RAPGEF1: variants seen among roughly 807,000 people sequenced by gnomAD.
RAPGEF1 encodes Rap guanine nucleotide exchange factor 1, also known as CRK SH3-binding GNRP.
RAPGEF1 carries 33 observed loss-of-function variants against 143.3 expected under a neutral mutation model. That is an observed-to-expected ratio of 0.23 (90% CI 0.17 to 0.31). The LOEUF (loss-of-function observed/expected upper bound fraction) is 0.31. Ranked by LOEUF, RAPGEF1 falls within the 10% of genes least tolerant of loss-of-function variation. The pLI, the probability that RAPGEF1 is intolerant of heterozygous loss-of-function variation, is 1.00. For synonymous variants in RAPGEF1, 629 were observed against 676.5 expected, an observed-to-expected ratio of 0.93 and a Z score of 1.09; for missense variants, 1,199 against 1,645.4, an observed-to-expected ratio of 0.73 and a Z score of 4.69.
chr9:131,666,852 G>C (rs1280595258), intron 1 of RAPGEF1, among the ~76,000 whole-genome samples: 1 of 152,146 alleles, frequency 6.6e-6, no homozygotes, highest in African/African-American at 2.4e-5. Flanking sequence ...AGTGCTGCTG[G>C]ACTAGACGCA....
At chr9:131,634,381 T>C (rs1186671675) in intron 5 of RAPGEF1, among the ~76,000 whole-genome samples, 2 of 152,164 alleles carry the variant, frequency 1.3e-5, no homozygotes, top group African/African-American at 4.8e-5. Context: ...TCTCCAAATA[T>C]GTAATACTTT....
At chr9:131,679,266 G>A (rs1564158895) in intron 1 of RAPGEF1, among the ~76,000 whole-genome samples, 1 of 152,194 alleles carries the variant, frequency 6.6e-6, no homozygotes, top group Non-Finnish European at 1.5e-5. Context: ...ACAAGCCTAA[G>A]GGGCCAGCCC....
At chr9:131,710,500 T>C (rs939104978) in intron 1 of RAPGEF1, among the ~76,000 whole-genome samples, 5 of 152,274 alleles carry the variant, frequency 3.3e-5, no homozygotes, top group Middle Eastern at 3.4e-3. Context: ...AGGAAGACAA[T>C]GTCGAGGTGG....
rs1952327016 is a variant in RAPGEF1 at position 131,584,177 on chromosome 9, A to G, written c.3414+134T>C. 9 of 782,242 alleles carry G rather than the reference A, an allele frequency of 1.2e-5. No individual in the cohort carries two copies. The highest frequency in any genetic ancestry group is 1.9e-5 in the Non-Finnish European group (9 of 485,368). The allele number at this position is 782,242 out of a possible 1,614,324, so 48.5% of individuals were successfully genotyped here. A position where few individuals can be genotyped will look rare whatever the true frequency, so the allele number is the denominator to read the frequency against. ...AGGGCAGCTGTTCTGGTCACACAGC[A>G]TGTCGGTGGCAGAGCAGGGGCCTAG... On this transcript the variant is annotated intron_variant, in intron 24 of 26. Coordinates refer to ENST00000683357, the MANE Select transcript of RAPGEF1 (RefSeq NM_001377935.1). The surrounding 1 kb of genome is among the most constrained non-coding windows in gnomAD (Gnocchi z 6.8).
chr9:131,617,374 C>T (rs566138776), intron 12 of RAPGEF1, among the ~76,000 whole-genome samples: 16 of 152,312 alleles, frequency 1.1e-4, no homozygotes, highest in Non-Finnish European at 1.8e-4. Flanking sequence ...GGCTCTAAGG[C>T]GTGAGGCCTC....
rs375357567 is a variant in RAPGEF1, at chr9:131,638,629, C to T, written c.651+6G>A. The T allele has an allele frequency of 4.9e-5, 79 of 1,613,862 alleles. No homozygotes were observed. The African/African-American group carries it at 4.9e-4, about 10-fold the overall frequency. ...GACTGGGACTGTCTGGAACCTGCAC[C>T]GGTACCTTCACTCCATCCAGCACAG... On this transcript the variant is annotated splice_donor_region_variant and intron_variant, in intron 5 of 26. Coordinates refer to ENST00000683357, the MANE Select transcript of RAPGEF1 (RefSeq NM_001377935.1).
Position 131,579,350 on chromosome 9 carries a change from TCCCG to T in RAPGEF1, c.*143_*146del. The T allele has an allele frequency of 8.5e-7, 1 of 1,178,506 alleles. No individual in the cohort carries two copies. The highest frequency in any genetic ancestry group is 1.2e-6 in the Non-Finnish European group (1 of 840,904). The allele number at this position is 1,178,506 out of a possible 1,614,324, so 73.0% of individuals were successfully genotyped here. On this transcript the variant is annotated 3_prime_UTR_variant, in exon 27 of 27. Coordinates refer to ENST00000683357, the MANE Select transcript of RAPGEF1 (RefSeq NM_001377935.1). ...CAGGAAGCGGCTGGCAGGCTCCAGCTCCCGCCCGGCCCCGCTGAGGGCTGGCCAG... is the reference window on the plus strand; with the variant it reads ...CAGGAAGCGGCTGGCAGGCTCCAGCTCCCGGCCCCGCTGAGGGCTGGCCAG...
At chr9:131,582,034 A>G (rs1240200240) in intron 25 of RAPGEF1, among the ~76,000 whole-genome samples, 1 of 152,312 alleles carries the variant, frequency 6.6e-6, no homozygotes, top group Non-Finnish European at 1.5e-5. Context: ...AGGCTCTCGT[A>G]AGTCCTGCAA....
intron 1 of RAPGEF1, among the ~76,000 whole-genome samples, chr9:131,686,977 G>A (rs1409403961): frequency 3.9e-5 from 6 of 152,186 alleles, no homozygotes. Context: ...GAGGTGTTGA[G>A]GTTCAAAACC....
At position 131,739,937 on chromosome 9, in the gene RAPGEF1, G is replaced by A; in HGVS notation, c.-107C>T. On this transcript the variant is annotated 5_prime_UTR_variant, in exon 1 of 27. Transcript: ENST00000683357. ...CCCGCGCCGGCATGGCGGGCTCCGC[G>A]CGGCCGCGGCCCTGCGCTCGGCGAC... The A allele has an allele frequency of 1.6e-6, 1 of 629,956 alleles. No individual in the cohort carries two copies. Among genetic ancestry groups the A allele is most frequent in the Non-Finnish European group, 2.0e-6 (1 of 508,546 alleles). 39.0% of individuals were successfully genotyped at this position (629,956 alleles called of 1,614,324 possible). A position where few individuals can be genotyped will look rare whatever the true frequency, so the allele number is the denominator to read the frequency against.
intron 26 of RAPGEF1, among the ~76,000 whole-genome samples, 172 bp from the exon 27 acceptor site, chr9:131,579,819 C>T (rs757478997): frequency 2.6e-4 from 39 of 152,326 alleles, no homozygotes; most frequent in Admixed American, 3.9e-4. Context: ...TGCTCAGAGA[C>T]GGTGCCACCA....
chr9:131,650,001 A>G lies in RAPGEF1; in HGVS notation c.315+128T>C. The G allele has an allele frequency of 1.4e-6, 1 of 699,016 alleles. No individual in the cohort carries two copies. The highest frequency in any genetic ancestry group is 2.4e-6 in the Non-Finnish European group (1 of 425,228). The allele number at this position is 699,016 out of a possible 1,614,324, so 43.3% of individuals were successfully genotyped here. On this transcript the variant is annotated intron_variant, in intron 3 of 26. Transcript: ENST00000683357. This position sits in a 1 kb window ranked among gnomAD's most constrained non-coding sequence, Gnocchi z 4.7. Reference sequence around the variant, plus strand: ...CCCTGGACTCTTTCCTGAACAATTCAGCCCACGGTCACCACCCAGTTGAAC... The same window carrying G: ...CCCTGGACTCTTTCCTGAACAATTCGGCCCACGGTCACCACCCAGTTGAAC...
At position 131,619,052 on chromosome 9, in the gene RAPGEF1, G is replaced by A. The variant is rs570357965; in HGVS notation, c.2060C>T (p.Ser687Leu). The A allele has an allele frequency of 4.1e-5, 56 of 1,357,570 alleles. No homozygotes were observed. In the Admixed American group the frequency reaches 8.6e-4, roughly 21 times the overall value. The allele number at this position is 1,357,570 out of a possible 1,614,324, so 84.1% of individuals were successfully genotyped here. A position where few individuals can be genotyped will look rare whatever the true frequency, so the allele number is the denominator to read the frequency against. Reference sequence around the variant, plus strand: ...AAAGAACAGCAGGGAGCAACTCACCGAGGGCACGGGCAAGCTGCCGTGCCG... The same window carrying A: ...AAAGAACAGCAGGGAGCAACTCACCAAGGGCACGGGCAAGCTGCCGTGCCG... ...LSRHGSLPVP[S>L]YKSVFRSYSQ... Residue 687 changes from serine to leucine, a missense_variant and splice_region_variant, in exon 12 of 27, where the codon TCG (serine) becomes TTG (leucine). Ser to Leu is a moderately radical substitution (Grantham distance 145). This residue lies in a region of RAPGEF1 where 293 missense variants were observed against 356.2 expected (regional missense o/e 0.82). Transcript: ENST00000683357.
intron 1 of RAPGEF1, among the ~76,000 whole-genome samples, chr9:131,715,323 G>A (rs1350779121): frequency 6.6e-6 from 1 of 152,168 alleles, no homozygotes; most frequent in African/African-American, 2.4e-5. Flanking sequence ...CTGGAAGTCA[G>A]GGAAGGGTGA....
chr9:131,612,055 T>C (rs192730455), intron 12 of RAPGEF1, among the ~76,000 whole-genome samples: 15 of 152,238 alleles, frequency 9.9e-5, no homozygotes, highest in Non-Finnish European at 1.8e-4. Flanking sequence ...AGGCCCTCGA[T>C]AGGGAAACAG....
intron 1 of RAPGEF1, among the ~76,000 whole-genome samples, chr9:131,693,456 G>C (rs963771359): frequency 1.4e-4 from 21 of 152,086 alleles, no homozygotes; most frequent in African/African-American, 4.3e-4. Flanking sequence ...TCAGGAGAGA[G>C]AGAGAATAGC....
intron 1 of RAPGEF1, among the ~76,000 whole-genome samples, chr9:131,733,075 A>G (rs1024331349): frequency 6.6e-6 from 1 of 152,152 alleles, no homozygotes; most frequent in Non-Finnish European, 1.5e-5. Flanking sequence ...CTGTGAGAGC[A>G]TCGAGGAAGT....
rs142248960 is a variant in RAPGEF1 at position 131,656,547 on chromosome 9, C to T, written c.62-5598G>A. The stretch of plus-strand genomic sequence containing the variant: ...CAAATGGGGAAGTCTGGGCAGGATG[C>T]GTGGGTTCTCTGGTGCTCAAAGATC... On this transcript the variant is annotated intron_variant, in intron 1 of 26. Transcript: ENST00000683357. Among the ~76,000 whole-genome samples, 25 of 152,176 alleles carry T rather than the reference C, an allele frequency of 1.6e-4. No homozygotes were observed. In the East Asian group the frequency reaches 3.9e-3, roughly 24 times the overall value.
intron 1 of RAPGEF1, among the ~76,000 whole-genome samples, chr9:131,706,714 T>C (rs1835092778): frequency 6.6e-6 from 1 of 152,190 alleles, no homozygotes; most frequent in Admixed American, 6.5e-5. Flanking sequence ...CAGGACACCA[T>C]GCGCTATGAA....
Sources: gnomAD v4.1 joint callset for allele counts (sites outside exome capture counted in the v4.1 genomes callset) on GRCh38, gnomAD v4.1.1 for gene constraint, gnomAD v4.1.1 regional missense constraint, Gnocchi (gnomAD v3.1) non-coding constraint, MANE v1.5 for transcripts, NCBI Gene and HGNC (gene_info 2026-07-23, HGNC 2026-07-21) for gene names.